FOXP1: variants seen among roughly 807,000 people sequenced by gnomAD.
FOXP1 encodes forkhead box protein P1.
FOXP1 carries 15 observed loss-of-function variants against 98.2 expected under a neutral mutation model. The ratio of observed to expected loss-of-function variants is 0.15; its 90% confidence interval spans 0.10 to 0.24. The LOEUF (loss-of-function observed/expected upper bound fraction) is 0.24, where lower values mean the gene tolerates loss of function less well. Ranked by LOEUF, FOXP1 falls within the 10% of genes least tolerant of loss-of-function variation. The probability of loss-of-function intolerance (pLI) is 1.00; values close to 1 mark genes in which losing one functional copy is unlikely to be tolerated. For synonymous variants in FOXP1, 371 were observed against 314.5 expected (o/e 1.18, Z -1.90); for missense variants, 633 against 848.5 (o/e 0.75, Z 3.15).
chr3:71,477,596 C>T (rs972306975), intron 3 of FOXP1, among the ~76,000 whole-genome samples: 1 of 152,138 alleles, frequency 6.6e-6, no homozygotes, highest in Non-Finnish European at 1.5e-5. Context: ...ATAGAGTTAG[C>T]AAACATTTCT....
At chr3:71,456,817 T>C (rs1417865237) in intron 3 of FOXP1, among the ~76,000 whole-genome samples, 2 of 152,132 alleles carry the variant, frequency 1.3e-5, no homozygotes, top group Non-Finnish European at 2.9e-5. Context: ...AGTTTTTTTT[T>C]TTTTCTGTGA....
intron 11 of FOXP1, among the ~76,000 whole-genome samples, chr3:71,027,484 T>G (rs955235898): frequency 2.0e-5 from 3 of 152,224 alleles, no homozygotes; most frequent in Non-Finnish European, 4.4e-5. Context: ...CTCCCTACTT[T>G]ATGTAATTAC....
intron 3 of FOXP1, among the ~76,000 whole-genome samples, chr3:71,433,860 C>T (rs1290390686): frequency 6.6e-6 from 1 of 152,208 alleles, no homozygotes; most frequent in Non-Finnish European, 1.5e-5. Flanking sequence ...CATTGTCTGC[C>T]ATCCCCTGAT....
chr3:71,094,232 T>C (rs2056214433), intron 7 of FOXP1, among the ~76,000 whole-genome samples: 1 of 152,020 alleles, frequency 6.6e-6, no homozygotes, highest in Admixed American at 6.6e-5. Flanking sequence ...GCTATAGTTG[T>C]GGACACTGAA....
intron 2 of FOXP1, among the ~76,000 whole-genome samples, chr3:71,505,608 G>C (rs2041759568): frequency 6.6e-6 from 1 of 152,032 alleles, no homozygotes; most frequent in Admixed American, 6.5e-5. Flanking sequence ...TGTATTTTTA[G>C]TAGAGACAGG....
chr3:71,271,511 CT>C (rs2070346519), intron 5 of FOXP1, among the ~76,000 whole-genome samples: 1 of 152,202 alleles, frequency 6.6e-6, no homozygotes. Flanking sequence ...AGCTGTCAAT[CT>C]AGACAGACAT....
intron 11 of FOXP1, 50 bp downstream of exon 11, chr3:71,041,278 C>T: frequency 2.7e-6 from 4 of 1,492,796 alleles, no homozygotes; most frequent in Non-Finnish European, 3.7e-6. Flanking sequence ...GCCACCCACC[C>T]CTCTCATGTT....
chr3:71,534,101 C>T (rs1216376698), intron 2 of FOXP1, among the ~76,000 whole-genome samples: 2 of 152,164 alleles, frequency 1.3e-5, no homozygotes, highest in Non-Finnish European at 2.9e-5. Flanking sequence ...CGGTGGCAAA[C>T]GCCTGTAATC....
chr3:71,130,610 T>C (rs1185639135), intron 6 of FOXP1: 1 of 1,598,066 alleles, frequency 6.3e-7, no homozygotes, highest in East Asian at 2.2e-5. Context: ...TGCCGAGTGG[T>C]AAAAAAGATG....
chr3:71,394,615 AT>A (rs1275939813), intron 3 of FOXP1, among the ~76,000 whole-genome samples: 1 of 152,184 alleles, frequency 6.6e-6, no homozygotes, highest in Admixed American at 6.5e-5. Context: ...GCAACTTTGT[AT>A]TTTGTATATG....
intron 3 of FOXP1, among the ~76,000 whole-genome samples, chr3:71,430,693 A>C (rs1454530313): frequency 6.6e-6 from 1 of 152,184 alleles, no homozygotes; most frequent in African/African-American, 2.4e-5. Flanking sequence ...TTATCCCTAA[A>C]AGAGGAAACT....
intron 4 of FOXP1, among the ~76,000 whole-genome samples, chr3:71,340,698 T>C (rs1437788836): frequency 1.3e-5 from 2 of 152,288 alleles, no homozygotes; most frequent in African/African-American, 2.4e-5. Context: ...TTGGCCTCAA[T>C]TGGACCCTAC....
chr3:71,355,539 A>AGGCAAGGGAGATT (rs1405379786), intron 4 of FOXP1, among the ~76,000 whole-genome samples: 1 of 152,196 alleles, frequency 6.6e-6, no homozygotes, highest in Non-Finnish European at 1.5e-5. Flanking sequence ...CGTAATTCAG[A>AGGCAAGGGAGATT]GGCAAGGGAG....
chr3:70,972,750 C>A, intron 17 of FOXP1, 74 bp from the exon 18 acceptor site: 1 of 1,472,012 alleles, frequency 6.8e-7, no homozygotes, highest in Non-Finnish European at 9.4e-7. Context: ...GTAAATTCAG[C>A]CTAACAGTCC....
intron 6 of FOXP1, among the ~76,000 whole-genome samples, chr3:71,119,033 C>G (rs2058572826): frequency 1.3e-5 from 2 of 152,134 alleles, no homozygotes; most frequent in African/African-American, 4.8e-5. Flanking sequence ...TGGATAGAAT[C>G]CTATATAAAC....
At chr3:71,048,537 TAAC>T (rs1441990645) in intron 9 of FOXP1, among the ~76,000 whole-genome samples, 1 of 152,128 alleles carries the variant, frequency 6.6e-6, no homozygotes, top group Non-Finnish European at 1.5e-5. Context: ...TCTATACCAC[TAAC>T]AACAAAAATT....
intron 5 of FOXP1, among the ~76,000 whole-genome samples, chr3:71,293,855 T>TG (rs2073015792): frequency 6.6e-6 from 1 of 152,170 alleles, no homozygotes; most frequent in Non-Finnish European, 1.5e-5. Flanking sequence ...ACACACAGCA[T>TG]AAAAAACAGT....
intron 6 of FOXP1, among the ~76,000 whole-genome samples, chr3:71,126,458 T>C (rs2687764): frequency 0.35 from 53,859 of 151,846 alleles, 9,864 homozygotes; most frequent in East Asian, 0.6. Context: ...TACTGTACTC[T>C]AGCCTGGGCC....
At chr3:71,319,039 C>T (rs1407147176) in intron 4 of FOXP1, among the ~76,000 whole-genome samples, 1 of 152,220 alleles carries the variant, frequency 6.6e-6, no homozygotes, top group East Asian at 1.9e-4. Flanking sequence ...TTCAAAGTGA[C>T]TCTGTTCCCT....
Sources: allele counts gnomAD v4.1 joint callset (sites outside exome capture counted in the v4.1 genomes callset), GRCh38; gene constraint gnomAD v4.1.1; transcripts MANE v1.5; gene names NCBI Gene and HGNC (gene_info 2026-07-23, HGNC 2026-07-21).